Variants in PCDH15 observed in about 807,000 individuals in gnomAD.
The protein encoded by PCDH15 is protocadherin related 15, also known as protocadherin-15.
PCDH15 carries 129 observed loss-of-function variants against 178.5 expected under a neutral mutation model. That is an observed-to-expected ratio of 0.72 (90% CI 0.63 to 0.84). The LOEUF (loss-of-function observed/expected upper bound fraction) is 0.84, where lower values mean the gene tolerates loss of function less well. PCDH15 is among the 40% of genes least tolerant of loss of function. The pLI is 0.00. For missense variants in PCDH15, 2,230 were observed against 2,099.9 expected, an observed-to-expected ratio of 1.06 and a Z score of -1.21; for synonymous variants, 800 against 732.0, an observed-to-expected ratio of 1.09 and a Z score of -1.50.
chr10:53,855,904 G>GTATGTATATA (rs147606526), intron 28 of PCDH15, among the ~76,000 whole-genome samples: 2 of 109,690 alleles, frequency 1.8e-5, no homozygotes, highest in African/African-American at 7.6e-5. Context: ...AAGGTGATAT[G>GTATGTATATA]TATATATATA....
intron 1 of PCDH15, among the ~76,000 whole-genome samples, chr10:54,679,452 G>T (rs1407099852): frequency 6.6e-6 from 1 of 152,048 alleles, no homozygotes; most frequent in African/African-American, 2.4e-5. Flanking sequence ...ATCATTCTTC[G>T]TGAAAACACA....
intron 2 of PCDH15, among the ~76,000 whole-genome samples, chr10:55,063,593 G>C (rs981472322): frequency 3.3e-5 from 5 of 152,070 alleles, no homozygotes; most frequent in African/African-American, 1.2e-4. Context: ...ATGTGTGCAT[G>C]TTTGTATGTA....
intron 15 of PCDH15, among the ~76,000 whole-genome samples, chr10:54,127,885 G>A (rs1312447741): frequency 3.9e-5 from 6 of 152,012 alleles, no homozygotes; most frequent in Admixed American, 2.0e-4. Flanking sequence ...TTGCAAAACT[G>A]TCTCATTTTA....
intron 2 of PCDH15, among the ~76,000 whole-genome samples, chr10:55,608,001 A>G (rs1056280275): frequency 2.0e-5 from 3 of 152,120 alleles, no homozygotes; most frequent in African/African-American, 7.2e-5. Context: ...ATTTATAAAA[A>G]TATCCAAGCA....
intron 2 of PCDH15, among the ~76,000 whole-genome samples, chr10:55,395,169 G>T (rs1018935982): frequency 1.5e-5 from 1 of 66,978 alleles, no homozygotes; most frequent in Non-Finnish European, 3.0e-5. Flanking sequence ...ATTTAACTGC[G>T]TGTGTGTGTG....
rs1007747607 is a variant in PCDH15, at chr10:54,036,746, T to C, written c.2221-13549A>G. 1.0e-3 allele frequency among the ~76,000 whole-genome samples: 156 copies of C among 152,082 alleles called. 1 individual carries two copies. The highest frequency in any genetic ancestry group is 3.7e-3 in the African/African-American group (155 of 41,532). On this transcript the variant is annotated intron_variant, in intron 18 of 37. Coordinates refer to ENST00000644397, the MANE Select transcript of PCDH15 (RefSeq NM_001384140.1). ...TAAAGGAGTAAATTTGAGGTTTTCA[T>C]CTTATTATATAAGAAATAAATTTCA...
At chr10:54,331,983 G>T (rs1416956929) in intron 6 of PCDH15, among the ~76,000 whole-genome samples, 2 of 151,292 alleles carry the variant, frequency 1.3e-5, no homozygotes, top group Non-Finnish European at 2.9e-5. Context: ...CCCTTTTCAG[G>T]TTATAGAAGT....
chr10:54,746,477 T>C (rs2132893639), intron 1 of PCDH15, among the ~76,000 whole-genome samples: 1 of 152,216 alleles, frequency 6.6e-6, no homozygotes, highest in Admixed American at 6.5e-5. Flanking sequence ...AGTGGATTGT[T>C]TGTAACAGAA....
chr10:54,378,349 C>T (rs1264492310), intron 4 of PCDH15, among the ~76,000 whole-genome samples: 4 of 151,860 alleles, frequency 2.6e-5, no homozygotes, highest in Non-Finnish European at 4.4e-5. Flanking sequence ...GACATTTCCA[C>T]AGTTTTGCCC....
At chr10:53,890,166 G>A (rs2081454413) in intron 26 of PCDH15, among the ~76,000 whole-genome samples, 1 of 152,224 alleles carries the variant, frequency 6.6e-6, no homozygotes, top group African/African-American at 2.4e-5. Context: ...AGTGGCTCAT[G>A]CCTGTAATCC....
Position 54,111,357 on chromosome 10 carries a change from G to A in PCDH15, c.1918-21294C>T, listed in dbSNP as rs370744131. 7.2e-4 allele frequency among the ~76,000 whole-genome samples: 110 copies of A among 151,968 alleles called. 4 individuals carry two copies. The South Asian group carries it at 0.023, about 31-fold the overall frequency. ...ACATTCAAACCCAGAATTCAAATTA[G>A]TCTTTTTTCATTTAACTTTAGAAAA... On this transcript the variant is annotated intron_variant, in intron 15 of 37. Coordinates refer to ENST00000644397, the MANE Select transcript of PCDH15 (RefSeq NM_001384140.1).
rs200624183 is a variant in PCDH15 at position 55,345,078 on chromosome 10, A to ATC, written c.-155-178429_-155-178428dup. 5.6e-3 allele frequency among the ~76,000 whole-genome samples: 849 copies of ATC among 152,094 alleles called. 10 individuals carry two copies. The highest frequency in any genetic ancestry group is 0.02 in the African/African-American group (810 of 41,508). On this transcript the variant is annotated intron_variant, in intron 2 of 5. Coordinates refer to the PCDH15 transcript ENST00000613346. Reference sequence around the variant, plus strand: ...AAGAAGTCTCTTACTATATCTCTATATCTCTCTGTTTCTTTGTATTAAAAT... The same window carrying ATC: ...AAGAAGTCTCTTACTATATCTCTATATCTCTCTCTGTTTCTTTGTATTAAAAT...
intron 8 of PCDH15, among the ~76,000 whole-genome samples, chr10:54,282,844 T>C (rs115328536): frequency 3.3e-5 from 5 of 152,170 alleles, no homozygotes; most frequent in African/African-American, 1.2e-4. Context: ...AGTTACATAA[T>C]GTTTAAATTC....
chr10:54,135,158 G>A (rs1046232687), intron 14 of PCDH15, among the ~76,000 whole-genome samples: 10 of 150,232 alleles, frequency 6.7e-5, no homozygotes, highest in Admixed American at 4.0e-4. Flanking sequence ...ACCCGAGATC[G>A]TGCCATTGCA....
At chr10:53,893,272 A>G (rs1182605273) in intron 26 of PCDH15, among the ~76,000 whole-genome samples, 3 of 152,346 alleles carry the variant, frequency 2.0e-5, no homozygotes, top group African/African-American at 7.2e-5. Context: ...GCTGTCATCA[A>G]GTCTGAGTTT....
At chr10:54,240,370 TG>T (rs2055116788) in intron 8 of PCDH15, among the ~76,000 whole-genome samples, 1 of 151,852 alleles carries the variant, frequency 6.6e-6, no homozygotes, top group South Asian at 2.1e-4. Context: ...CCAATGCTGA[TG>T]AACAAAGGAA....
At chr10:54,829,629 T>C (rs920671469) in intron 3 of PCDH15, among the ~76,000 whole-genome samples, 2 of 152,066 alleles carry the variant, frequency 1.3e-5, no homozygotes, top group African/African-American at 4.8e-5. Context: ...TCCAAAGGCA[T>C]TGAGTACTCA....
chr10:54,711,674 A>T (rs1037846913), intron 1 of PCDH15, among the ~76,000 whole-genome samples: 2 of 151,922 alleles, frequency 1.3e-5, no homozygotes, highest in Non-Finnish European at 2.9e-5. Context: ...ATGTCCAAAA[A>T]TGTCGATAAA....
chr10:54,214,552 T>C (rs2134113740), intron 9 of PCDH15, among the ~76,000 whole-genome samples: 1 of 152,278 alleles, frequency 6.6e-6, no homozygotes, highest in East Asian at 1.9e-4. Flanking sequence ...AAATTAAATA[T>C]AGGTTCTGAT....
Sources: allele counts gnomAD v4.1 joint callset (sites outside exome capture counted in the v4.1 genomes callset), GRCh38; gene constraint gnomAD v4.1.1; transcripts MANE v1.5; gene names NCBI Gene and HGNC (gene_info 2026-07-23, HGNC 2026-07-21).